Variants in GAS6 observed in about 807,000 individuals in gnomAD.
The protein encoded by GAS6 is growth arrest specific 6.
A neutral mutation model predicts 75.8 loss-of-function variants in GAS6; 41 were observed. The ratio of observed to expected loss-of-function variants is 0.54; its 90% confidence interval spans 0.42 to 0.70. GAS6 has a LOEUF of 0.70. Among genes scored for constraint, GAS6 ranks in the 30% least tolerant of loss-of-function variants. GAS6 has a pLI of 0.00. For synonymous variants in GAS6, 432 were observed against 412.6 expected (o/e 1.05, Z -0.57); for missense variants, 854 against 940.2 (o/e 0.91, Z 1.20).
Position 113,833,881 on chromosome 13 carries a change from CAA to C in GAS6, c.834+668_834+669del, listed in dbSNP as rs2051662872. 5 of 1,033,170 alleles carry C rather than the reference CAA, an allele frequency of 4.8e-6. No homozygotes were observed. In the South Asian group the frequency reaches 1.4e-4, roughly 29 times the overall value. The allele number at this position is 1,033,170 out of a possible 1,614,324, so 64.0% of individuals were successfully genotyped here. On this transcript the variant is annotated intron_variant, in intron 8 of 14. Transcript: ENST00000327773. ...AGGTCGGTGTGAGACACTGGTGTGACAAGTCAGTGTGACAGGCAGTGGTGTGA... is the reference window on the plus strand; with the variant it reads ...AGGTCGGTGTGAGACACTGGTGTGACGTCAGTGTGACAGGCAGTGGTGTGA...
At chr13:113,826,245 T>C (rs1158111429) in intron 12 of GAS6, among the ~76,000 whole-genome samples, 15 of 152,156 alleles carry the variant, frequency 9.9e-5, no homozygotes, top group Admixed American at 5.2e-4. Context: ...ACACCTCCCA[T>C]TGTAGCTGTC....
chr13:113,823,416 C>T lies in GAS6; in HGVS notation c.1612G>A (p.Ala538Thr). Residue 538 changes from alanine to threonine, a missense_variant, in exon 13 of 15, where the codon GCA becomes ACA. Ala to Thr is a moderately conservative substitution (Grantham distance 58). Coordinates refer to ENST00000327773, the MANE Select transcript of GAS6 (RefSeq NM_000820.4). ...PDLRAVPLSVALVDYHSTKKL... is the reference protein window; with the variant it reads ...PDLRAVPLSVTLVDYHSTKKL... ...TTCGTGGAGTGATAGTCTACCAGTG[C>T]CACAGAGAGAGGCACGGCACGGAGG... 6.2e-7 allele frequency: 1 copy of T among 1,612,602 alleles called. No individual in the cohort carries two copies. The highest frequency in any genetic ancestry group is 8.5e-7 in the Non-Finnish European group (1 of 1,179,852).
At chr13:113,832,560 C>A in intron 9 of GAS6, 72 bp from the exon 10 acceptor site, 1 of 1,601,570 alleles carries the variant, frequency 6.2e-7, no homozygotes, top group Admixed American at 1.7e-5. Context: ...GCTGGCCGAA[C>A]CCTGGCCCGG....
chr13:113,822,175 C>G lies in GAS6; in HGVS notation c.1665G>C (p.Leu555=). The G allele has an allele frequency of 6.4e-7, 1 of 1,552,154 alleles. No individual in the cohort carries two copies. The highest frequency in any genetic ancestry group is 1.2e-5 in the South Asian group (1 of 83,812). ...TKKLKKQLVV[L]AVEHTALALM... ...GGGCCAAGGCCGTATGCTCCACGGC[C>G]AGGACCACCAGCTGCAGGAGACCGA... Residue 555 remains leucine (L), a synonymous_variant, in exon 14 of 15, where the codon CTG becomes CTC. Transcript: ENST00000327773.
chr13:113,839,608 C>T, intron 5 of GAS6, 120 bp downstream of exon 5: 1 of 1,359,020 alleles, frequency 7.4e-7, no homozygotes, highest in South Asian at 1.3e-5. Flanking sequence ...CTGCAGCCTC[C>T]TTGGGGCTGT....
rs577985573 is a variant in GAS6 at position 113,832,764 on chromosome 13, G to A, written c.835-12C>T. On this transcript the variant is annotated splice_polypyrimidine_tract_variant and intron_variant, in intron 8 of 14. Transcript: ENST00000327773. Reference sequence around the variant, plus strand: ...CACGGCAAGATGTCCTGCCACGGACGGGGGCCACGCCGGTCGGGGATGTGG... The same window carrying A: ...CACGGCAAGATGTCCTGCCACGGACAGGGGCCACGCCGGTCGGGGATGTGG... The A allele has an allele frequency of 4.7e-5, 76 of 1,612,410 alleles. 1 individual carries two copies. The East Asian group carries it at 1.1e-3, about 23-fold the overall frequency.
In GAS6 at chr13:113,837,047, G is replaced by A. The variant is rs528592891; in HGVS notation, c.589+1022C>T. ...GGGACCCACGGGAGATGCTTTAGAC[G>A]TCATCTCTCAGGATCGGCCTAGTCT... On this transcript the variant is annotated intron_variant, in intron 6 of 14. Coordinates refer to ENST00000327773, the MANE Select transcript of GAS6 (RefSeq NM_000820.4). This position sits in a 1 kb window ranked among gnomAD's most constrained non-coding sequence, Gnocchi z 5.1. Among the ~76,000 whole-genome samples the A allele has an allele frequency of 3.3e-5, 5 of 151,910 alleles. No homozygotes were observed. Among genetic ancestry groups the A allele is most frequent in the South Asian group, 2.1e-4 (1 of 4,822 alleles).
chr13:113,847,679 G>A, intron 3 of GAS6: 1 of 317,936 alleles, frequency 3.1e-6, no homozygotes, highest in South Asian at 3.3e-5. Context: ...GGACCCCTTT[G>A]GGGTCCTCAA....
At chr13:113,860,353 G>C (rs1395669430) in intron 2 of GAS6, among the ~76,000 whole-genome samples, 1 of 152,226 alleles carries the variant, frequency 6.6e-6, no homozygotes, top group African/African-American at 2.4e-5. Context: ...CAGCCTGGAT[G>C]ATTTTCCGGC....
Position 113,863,609 on chromosome 13 carries a change from T to C in GAS6, c.221A>G (p.Glu74Gly). The stretch of plus-strand genomic sequence containing the variant: ...GTCGTTCTCGAACACCTCCCGCGCC[T>C]CCTCGCGGCTGCACAGCTCCTCCAC... ...ECVEELCSREEAREVFENDPE... is the reference protein window; with the variant it reads ...ECVEELCSREGAREVFENDPE... Residue 74 changes from glutamate (E) to glycine (G), a missense_variant, in exon 2 of 15, where the codon GAG becomes GGG. By Grantham distance (98) the Glu-to-Gly change is moderately conservative. Transcript: ENST00000327773. This position sits in a 1 kb window ranked among gnomAD's most constrained non-coding sequence, Gnocchi z 9.4. The C allele has an allele frequency of 6.6e-7, 1 of 1,523,690 alleles. No homozygotes were observed. The highest frequency in any genetic ancestry group is 8.8e-7 in the Non-Finnish European group (1 of 1,135,852). 94.4% of individuals were successfully genotyped at this position (1,523,690 alleles called of 1,614,324 possible). A position where few individuals can be genotyped will look rare whatever the true frequency, so the allele number is the denominator to read the frequency against.
Position 113,828,664 on chromosome 13 carries a change from C to G in GAS6, c.1191G>C (p.Arg397Ser), listed in dbSNP as rs758697386. 2 of 1,613,604 alleles carry G rather than the reference C, an allele frequency of 1.2e-6. No homozygotes were observed. The highest frequency in any genetic ancestry group is 1.7e-6 in the Non-Finnish European group (2 of 1,180,010). ...LARNLVIKVN[R>S]DAVMKIAVAG... ...CCACCGCGATTTTCATGACAGCATC[C>G]CTGTTGACCTTGATGACCAGATTCC... Residue 397 changes from arginine to serine, a missense_variant, in exon 11 of 15, where the codon AGG becomes AGC. Transcript: ENST00000327773.
chr13:113,834,608 G>A lies in GAS6; in HGVS notation c.777C>T (p.Thr259=), dbSNP rs140496234. Residue 259 remains threonine, a synonymous_variant, in exon 8 of 15, where the codon ACC becomes ACT. Coordinates refer to ENST00000327773, the MANE Select transcript of GAS6 (RefSeq NM_000820.4). ...GGCCCCCACGCCCGTCACAGTGGCA[G>A]GTGTAGCTCCCTGGGGAGTTCACGC... The part of the protein sequence containing the change: ...QVCVNSPGSY[T]CHCDGRGGLK... 6.4e-5 allele frequency: 102 copies of A among 1,603,638 alleles called. No individual in the cohort carries two copies. In the African/African-American group the frequency reaches 1.3e-3, roughly 21 times the overall value.
At chr13:113,852,702 C>G (rs556931523) in intron 2 of GAS6, among the ~76,000 whole-genome samples, 24 of 152,282 alleles carry the variant, frequency 1.6e-4, no homozygotes, top group African/African-American at 5.3e-4. Context: ...CCCAGGTCTC[C>G]CCCGCTCAAA....
In GAS6 at chr13:113,855,909, GGACTGGTGA is replaced by G. The variant is rs201909257; in HGVS notation, c.255+7657_255+7665del. 1.9e-3 allele frequency among the ~76,000 whole-genome samples: 284 copies of G among 152,326 alleles called. 4 individuals carry two copies. The highest frequency in any genetic ancestry group is 0.012 in the Admixed American group (185 of 15,310). On this transcript the variant is annotated intron_variant, in intron 2 of 14. Coordinates refer to ENST00000327773, the MANE Select transcript of GAS6 (RefSeq NM_000820.4). ...CCCAAATTCACCTGGGTTGCTCTGA[GGACTGGTGA>G]GACTTAAAGGTCACTTGGACTCCTC... is the stretch of plus-strand genomic sequence containing the variant.
intron 2 of GAS6, among the ~76,000 whole-genome samples, chr13:113,857,919 G>A (rs769087094): frequency 7.9e-5 from 12 of 152,226 alleles, no homozygotes; most frequent in African/African-American, 1.7e-4. Context: ...GCACAGGTGC[G>A]GGCACAGGAG....
intron 2 of GAS6, among the ~76,000 whole-genome samples, chr13:113,852,053 G>A (rs1332148659): frequency 1.3e-5 from 2 of 152,252 alleles, no homozygotes; most frequent in Admixed American, 6.5e-5. Flanking sequence ...GCAGGGCCCC[G>A]TCCCTGGGTG....
chr13:113,826,152 G>A (rs1021497069), intron 12 of GAS6, among the ~76,000 whole-genome samples: 1 of 152,176 alleles, frequency 6.6e-6, no homozygotes, highest in African/African-American at 2.4e-5. Context: ...CACAGGACTG[G>A]GCCAGCAGCT....
intron 11 of GAS6, among the ~76,000 whole-genome samples, chr13:113,828,107 CA>C (rs1216781040): frequency 3.9e-5 from 6 of 151,946 alleles, no homozygotes; most frequent in African/African-American, 7.3e-5. Flanking sequence ...ACTAAAAATA[CA>C]AAAAAATTAG....
Position 113,859,464 on chromosome 13 carries a change from CTA to C in GAS6, c.255+4109_255+4110del, listed in dbSNP as rs552311260. Among the ~76,000 whole-genome samples, 36 of 150,978 alleles carry C rather than the reference CTA, an allele frequency of 2.4e-4. 2 individuals are homozygous for C. In the South Asian group the frequency reaches 7.5e-3, roughly 32 times the overall value. ...AGTGTGTGACTGTGTGTACGTATGTCTATGTGAATGTGTGCATGTATGTGTAC... is the reference window on the plus strand; with the variant it reads ...AGTGTGTGACTGTGTGTACGTATGTCTGTGAATGTGTGCATGTATGTGTAC... On this transcript the variant is annotated intron_variant, in intron 2 of 14. Coordinates refer to ENST00000327773, the MANE Select transcript of GAS6 (RefSeq NM_000820.4).
Sources: gnomAD v4.1 joint callset for allele counts (sites outside exome capture counted in the v4.1 genomes callset) on GRCh38, gnomAD v4.1.1 for gene constraint, Gnocchi (gnomAD v3.1) non-coding constraint, MANE v1.5 for transcripts, NCBI Gene and HGNC (gene_info 2026-07-23, HGNC 2026-07-21) for gene names.